GDPD4: variants seen among roughly 807,000 people sequenced by gnomAD.
The protein encoded by GDPD4 is glycerophosphodiester phosphodiesterase 6.
Under a neutral mutation model 67.8 loss-of-function variants are expected in GDPD4, and 60 were observed. The observed-to-expected ratio is 0.88, with a 90% confidence interval of 0.72 to 1.10. The LOEUF (loss-of-function observed/expected upper bound fraction) is 1.10, where lower values mean the gene tolerates loss of function less well. GDPD4 is among the 50% of genes least tolerant of loss of function. The pLI is 0.00. For synonymous variants in GDPD4, 212 were observed against 210.9 expected (o/e 1.00, Z -0.04); for missense variants, 623 against 613.9 (o/e 1.01, Z -0.16).
intron 2 of GDPD4, 95 bp from the exon 3 acceptor site, chr11:77,285,282 CT>C: frequency 1.5e-6 from 1 of 650,872 alleles, no homozygotes; most frequent in Non-Finnish European, 2.7e-6. Context: ...CATAGTTGCA[CT>C]GCCATGCATT....
intron 13 of GDPD4, among the ~76,000 whole-genome samples, chr11:77,234,086 T>C (rs1049519182): frequency 5.3e-5 from 8 of 152,174 alleles, no homozygotes; most frequent in African/African-American, 1.7e-4. Flanking sequence ...GTATGGCATA[T>C]TGGAAACTGC....
chr11:77,265,764 G>C (rs1162752844), intron 10 of GDPD4, among the ~76,000 whole-genome samples: 1 of 152,094 alleles, frequency 6.6e-6, no homozygotes, highest in Non-Finnish European at 1.5e-5. Context: ...TCAAGATACA[G>C]AAAAGTAAAT....
intron 3 of GDPD4, among the ~76,000 whole-genome samples, chr11:77,281,214 C>T (rs74808344): frequency 1.3e-5 from 2 of 152,108 alleles, no homozygotes; most frequent in Non-Finnish European, 1.5e-5. Context: ...TTTAAAGAAA[C>T]CTTCAAGGAC....
chr11:77,239,583 T>C (rs762322972), intron 13 of GDPD4, among the ~76,000 whole-genome samples: 123 of 152,196 alleles, frequency 8.1e-4, no homozygotes, highest in Middle Eastern at 3.4e-3. Context: ...ATAATCCCAT[T>C]TACAATAGCA....
At chr11:77,223,478 G>T (rs1183854519) in intron 16 of GDPD4, among the ~76,000 whole-genome samples, 1 of 152,116 alleles carries the variant, frequency 6.6e-6, no homozygotes, top group African/African-American at 2.4e-5. Flanking sequence ...GAGTTTGCTG[G>T]AGGTCCACTC....
At position 77,245,466 on chromosome 11, in the gene GDPD4, C is replaced by A; in HGVS notation, c.901G>T (p.Ala301Ser). Residue 301 changes from alanine (A) to serine (S), a missense_variant, in exon 12 of 17, where the codon GCA becomes TCA. Physicochemically the swap from Ala to Ser is moderately conservative, Grantham distance 99. Coordinates refer to ENST00000315938, the MANE Select transcript of GDPD4 (RefSeq NM_182833.3). ...TGATTTCTTGCTCTTTCTTTATCTG[C>A]CTCTGATAGAGGTTTCATATTGTAA... ...PFYNMKPLSE[A>S]DKERARNQSI... The A allele has an allele frequency of 6.2e-7, 1 of 1,613,976 alleles. No homozygotes were observed.
At chr11:77,288,777 G>A (rs933944870) in intron 1 of GDPD4, among the ~76,000 whole-genome samples, 1 of 152,158 alleles carries the variant, frequency 6.6e-6, no homozygotes, top group Non-Finnish European at 1.5e-5. Context: ...CAACTTCGAA[G>A]TAATGTGATA....
In GDPD4 at chr11:77,245,421, C is replaced by A. The variant is rs745372030; in HGVS notation, c.946G>T (p.Asp316Tyr). Residue 316 changes from aspartate (D) to tyrosine (Y), a missense_variant, in exon 12 of 17, where the codon GAT (aspartate) becomes TAT (tyrosine). Transcript: ENST00000315938. ...ARNQSIPTLA[D>Y]LLTLAEKERK... Reference sequence around the variant, plus strand: ...TCCTTCTCTGCAAGTGTCAATAAATCAGCTAGTGTTGGAATTGACTGATTT... The same window carrying A: ...TCCTTCTCTGCAAGTGTCAATAAATAAGCTAGTGTTGGAATTGACTGATTT... The A allele has an allele frequency of 1.2e-6, 2 of 1,614,084 alleles. No homozygotes were observed. Among genetic ancestry groups the A allele is most frequent in the Non-Finnish European group, 8.5e-7 (1 of 1,179,948 alleles).
chr11:77,244,321 CG>C (rs1958737540), intron 12 of GDPD4, among the ~76,000 whole-genome samples: 1 of 152,136 alleles, frequency 6.6e-6, no homozygotes, highest in South Asian at 2.1e-4. Flanking sequence ...CGTGAGCCAC[CG>C]CGCCCAGCCC....
At chr11:77,220,894 G>A (rs1014812570) in intron 16 of GDPD4, among the ~76,000 whole-genome samples, 1 of 152,156 alleles carries the variant, frequency 6.6e-6, no homozygotes, top group Non-Finnish European at 1.5e-5. Context: ...CCTGTTATTG[G>A]TCTATTCAGG....
At chr11:77,223,343 T>G (rs1248262507) in intron 16 of GDPD4, among the ~76,000 whole-genome samples, 1 of 152,216 alleles carries the variant, frequency 6.6e-6, no homozygotes, top group Admixed American at 6.5e-5. Flanking sequence ...CCTTGGTCTT[T>G]GATGATGGTG....
intron 16 of GDPD4, among the ~76,000 whole-genome samples, chr11:77,221,043 A>G (rs1402391943): frequency 2.0e-5 from 3 of 152,068 alleles, no homozygotes; most frequent in Non-Finnish European, 4.4e-5. Context: ...ATTTGCGTGG[A>G]GAGTTTATAG....
intron 11 of GDPD4, among the ~76,000 whole-genome samples, chr11:77,248,922 T>C (rs1478070043): frequency 7.0e-6 from 1 of 143,254 alleles, no homozygotes; most frequent in Non-Finnish European, 1.5e-5. Context: ...AGAGACGGTG[T>C]CACCATGTTA....
chr11:77,295,927 G>A (rs763504915), intron 1 of GDPD4, among the ~76,000 whole-genome samples: 1 of 152,088 alleles, frequency 6.6e-6, no homozygotes, highest in Non-Finnish European at 1.5e-5. Context: ...AAATAAGGGT[G>A]AATTTTAGTG....
Position 77,216,627 on chromosome 11 carries a change from G to A in GDPD4, c.*650C>T, listed in dbSNP as rs865884982. ...GCAGAAAATATTATGGAGGTGTTAG[G>A]ATGAGATAAACCTGACAGCAACCAG... On this transcript the variant is annotated 3_prime_UTR_variant, in exon 17 of 17. Coordinates refer to ENST00000315938, the MANE Select transcript of GDPD4 (RefSeq NM_182833.3). The A allele has an allele frequency of 1.2e-5, 5 of 404,774 alleles. No individual in the cohort carries two copies. Among genetic ancestry groups the A allele is most frequent in the African/African-American group, 6.0e-5 (3 of 49,768 alleles). The allele number at this position is 404,774 out of a possible 1,614,324, so 25.1% of individuals were successfully genotyped here.
At chr11:77,227,731 TCCCTCCCCCAAC>T (rs1958370419) in intron 16 of GDPD4, 121 bp downstream of exon 16, 3 of 612,698 alleles carry the variant, frequency 4.9e-6, no homozygotes, top group African/African-American at 1.8e-5. Flanking sequence ...CTTCCCCTGG[TCCCTCCCCCAAC>T]CCCACCCCCA....
intron 14 of GDPD4, among the ~76,000 whole-genome samples, chr11:77,232,209 A>G (rs1211372806): frequency 1.3e-5 from 2 of 152,240 alleles, no homozygotes; most frequent in African/African-American, 4.8e-5. Flanking sequence ...GTGAACTTCT[A>G]AAAGTTATCT....
intron 10 of GDPD4, among the ~76,000 whole-genome samples, chr11:77,264,555 A>G (rs1959169213): frequency 6.6e-6 from 1 of 152,200 alleles, no homozygotes; most frequent in African/African-American, 2.4e-5. Flanking sequence ...AAAGTCTTTC[A>G]AAAATGAAGG....
intron 13 of GDPD4, among the ~76,000 whole-genome samples, chr11:77,235,022 T>TTTTTTTTTTTG (rs1958529863): frequency 7.6e-6 from 1 of 132,198 alleles, no homozygotes; most frequent in East Asian, 2.1e-4. Flanking sequence ...TTTTTTTTTT[T>TTTTTTTTTTTG]TTTTTTTTTT....
Sources: gnomAD v4.1 joint callset for allele counts (sites outside exome capture counted in the v4.1 genomes callset) on GRCh38, gnomAD v4.1.1 for gene constraint, MANE v1.5 for transcripts, NCBI Gene and HGNC (gene_info 2026-07-23, HGNC 2026-07-21) for gene names.